The following ARID4A variants were observed in gnomAD, a reference collection of about 807,000 sequenced individuals.
ARID4A encodes AT-rich interactive domain-containing protein 4A.
ARID4A carries 39 observed loss-of-function variants against 148.6 expected under a neutral mutation model. The observed-to-expected ratio is 0.26, with a 90% confidence interval of 0.20 to 0.34. The LOEUF is 0.34. Among genes scored for constraint, ARID4A ranks in the 10% least tolerant of loss-of-function variants. The pLI, the probability that ARID4A is intolerant of heterozygous loss-of-function variation, is 1.00. For synonymous variants in ARID4A, 475 were observed against 481.2 expected (o/e 0.99, Z 0.17); for missense variants, 1,265 against 1,449.1 (o/e 0.87, Z 2.06).
At chr14:58,303,308 ATCC>A (rs1310779075) in intron 3 of ARID4A, among the ~76,000 whole-genome samples, 2 of 152,172 alleles carry the variant, frequency 1.3e-5, no homozygotes, top group Non-Finnish European at 2.9e-5. Flanking sequence ...AATATTCAGT[ATCC>A]TCCTCTTAGC....
At chr14:58,348,212 ACT>A (rs1319954681) in intron 15 of ARID4A, among the ~76,000 whole-genome samples, 1 of 151,026 alleles carries the variant, frequency 6.6e-6, no homozygotes, top group African/African-American at 2.4e-5. Flanking sequence ...TCTCTTTGGA[ACT>A]CTCAGTCCCT....
intron 8 of ARID4A, among the ~76,000 whole-genome samples, chr14:58,327,405 A>G (rs909801994): frequency 1.3e-5 from 2 of 152,190 alleles, no homozygotes; most frequent in African/African-American, 4.8e-5. Flanking sequence ...TTGTTAAGAT[A>G]CTATTTTCAG....
At chr14:58,351,020 T>G in intron 15 of ARID4A, 53 bp from the exon 16 acceptor site, 4 of 1,504,612 alleles carry the variant, frequency 2.7e-6, no homozygotes, top group Non-Finnish European at 3.5e-6. Context: ...TTTTTCCTGC[T>G]TTTTTCCCCT....
chr14:58,317,908 A>G lies in ARID4A; in HGVS notation c.275-634A>G, dbSNP rs185589129. Among the ~76,000 whole-genome samples, 1,120 of 151,994 alleles carry G rather than the reference A, an allele frequency of 7.4e-3. 4 individuals are homozygous for G. Among genetic ancestry groups the G allele is most frequent in the Non-Finnish European group, 0.012 (826 of 67,974 alleles). ...GAGCACTTTCGGAGGCTTAGGCGGG[A>G]GGATAATTTGAGGCCAGGAGTTTGA... On this transcript the variant is annotated intron_variant, in intron 5 of 23. Coordinates refer to ENST00000355431, the MANE Select transcript of ARID4A (RefSeq NM_002892.4).
rs2033449687 is a variant in ARID4A at position 58,330,283 on chromosome 14, T to G, written c.906+114T>G. ...TCTCTATTATTTGTTTCTGTCCGTT[T>G]CTAGCATTGCTTAATTTGGGTGTTG... On this transcript the variant is annotated intron_variant, in intron 11 of 23. Coordinates refer to ENST00000355431, the MANE Select transcript of ARID4A (RefSeq NM_002892.4). The G allele has an allele frequency of 6.4e-6, 9 of 1,413,424 alleles. No homozygotes were observed. In the South Asian group the frequency reaches 1.3e-4, roughly 20 times the overall value. 87.6% of individuals were successfully genotyped at this position (1,413,424 alleles called of 1,614,324 possible).
chr14:58,366,257 G>A (rs929513408), intron 22 of ARID4A, 27 bp downstream of exon 22: 2 of 1,505,776 alleles, frequency 1.3e-6, no homozygotes, highest in African/African-American at 2.8e-5. Flanking sequence ...AAACTTGATA[G>A]ATGAATACTG....
chr14:58,310,732 T>A (rs74488368), intron 5 of ARID4A, among the ~76,000 whole-genome samples: 4 of 151,112 alleles, frequency 2.6e-5, no homozygotes, highest in Non-Finnish European at 4.4e-5. Context: ...TTTTTTTTTT[T>A]AATGACCCCA....
chr14:58,345,754 A>G (rs2034333234), intron 12 of ARID4A, among the ~76,000 whole-genome samples: 1 of 100,432 alleles, frequency 1.0e-5, no homozygotes, highest in Non-Finnish European at 1.8e-5. Context: ...TTTTTGTGAC[A>G]GAGTCTTACT....
intron 17 of ARID4A, among the ~76,000 whole-genome samples, chr14:58,354,260 C>T (rs1375500840): frequency 1.3e-5 from 2 of 152,144 alleles, no homozygotes; most frequent in Admixed American, 6.5e-5. Context: ...AACTTCCAAC[C>T]GTGCAAGTGT....
At position 58,365,057 on chromosome 14, in the gene ARID4A, T is replaced by G. The variant is rs1001200604; in HGVS notation, c.2968T>G (p.Ser990Ala). The G allele has an allele frequency of 6.2e-7, 1 of 1,614,046 alleles. No homozygotes were observed. ...AAGCTCTGAGTCTAACTCTCTTGTT[T>G]CTATTCCACCTGCCCTACCTCCTGT... Reference protein sequence around the residue: ...VESSESNSLVSIPPALPPVVQ... With the variant: ...VESSESNSLVAIPPALPPVVQ... Residue 990 changes from serine (S) to alanine (A), a missense_variant, in exon 20 of 24, where the codon TCT becomes GCT. Around this residue, in one of 9 missense-constraint regions of ARID4A, gnomAD observed 666 missense variants for 730.9 expected, o/e 0.91. Coordinates refer to ENST00000355431, the MANE Select transcript of ARID4A (RefSeq NM_002892.4).
chr14:58,347,414 T>TA (rs2034426169), intron 14 of ARID4A, among the ~76,000 whole-genome samples: 1 of 152,214 alleles, frequency 6.6e-6, no homozygotes, highest in African/African-American at 2.4e-5. Context: ...TATCAAAACT[T>TA]ATGATAGTTA....
At chr14:58,351,870 G>A (rs1393754074) in intron 16 of ARID4A, among the ~76,000 whole-genome samples, 2 of 152,102 alleles carry the variant, frequency 1.3e-5, no homozygotes, top group Non-Finnish European at 2.9e-5. Flanking sequence ...TGTCCATCCT[G>A]TTTGCTGTTG....
At chr14:58,318,838 T>C in intron 7 of ARID4A, 33 bp downstream of exon 7, 8 of 1,528,890 alleles carry the variant, frequency 5.2e-6, no homozygotes, top group African/African-American at 2.8e-5. Flanking sequence ...TCATTTTAAT[T>C]ACAATTATTA....
At chr14:58,339,975 T>G (rs2034031431) in intron 11 of ARID4A, among the ~76,000 whole-genome samples, 5 of 152,012 alleles carry the variant, frequency 3.3e-5, no homozygotes, top group Admixed American at 3.3e-4. Context: ...TGCCCCATGA[T>G]CCAATCACCT....
rs1477968378 is a variant in ARID4A at position 58,351,080 on chromosome 14, G to A, written c.1412G>A (p.Arg471Lys). 1.3e-6 allele frequency: 2 copies of A among 1,593,276 alleles called. No homozygotes were observed. The highest frequency in any genetic ancestry group is 1.7e-6 in the Non-Finnish European group (2 of 1,175,288). The change falls in exon 16 of 24, where the codon AGG becomes AAG. Residue 471 changes from arginine to lysine, a missense_variant. Physicochemically the swap from Arg to Lys is conservative, Grantham distance 26 (BLOSUM62 2). Around this residue, in one of 9 missense-constraint regions of ARID4A, gnomAD observed 205 missense variants for 196.9 expected, o/e 1.04. Transcript: ENST00000355431. Reference protein sequence around the residue: ...EIELKSPRGRRRIARDVNSIK... With the variant: ...EIELKSPRGRKRIARDVNSIK... ...TTTTATCCCCTCTACTAGGGACGAAGGAGAATTGCTCGAGATGTAAATTCT... is the reference window on the plus strand; with the variant it reads ...TTTTATCCCCTCTACTAGGGACGAAAGAGAATTGCTCGAGATGTAAATTCT...
chr14:58,339,876 A>G (rs1006007150), intron 11 of ARID4A, among the ~76,000 whole-genome samples: 2 of 148,178 alleles, frequency 1.3e-5, no homozygotes, highest in South Asian at 2.2e-4. Context: ...GAGAGAGAGC[A>G]TGAGCACGCA....
chr14:58,326,921 T>A (rs1160314923), intron 8 of ARID4A, among the ~76,000 whole-genome samples: 2 of 152,194 alleles, frequency 1.3e-5, no homozygotes, highest in Non-Finnish European at 2.9e-5. Flanking sequence ...TATCTTTTTA[T>A]GTTTGCCCCT....
At chr14:58,339,239 A>T (rs1294323694) in intron 11 of ARID4A, among the ~76,000 whole-genome samples, 1 of 151,932 alleles carries the variant, frequency 6.6e-6, no homozygotes, top group Non-Finnish European at 1.5e-5. Context: ...GCCCTCCCAA[A>T]GTGCTAGGAT....
In ARID4A at chr14:58,364,900, T is replaced by C; in HGVS notation, c.2811T>C (p.Thr937=). 1 of 1,614,116 alleles carries C rather than the reference T, an allele frequency of 6.2e-7. No homozygotes were observed. The highest frequency in any genetic ancestry group is 8.5e-7 in the Non-Finnish European group (1 of 1,180,012). Residue 937 remains threonine (T), a synonymous_variant, in exon 20 of 24, where the codon ACT becomes ACC. Coordinates refer to ENST00000355431, the MANE Select transcript of ARID4A (RefSeq NM_002892.4). ...SERFDSPAEE[T]VNIPLKEDED... ...GATTTGATAGTCCAGCTGAAGAAACTGTAAATATTCCACTAAAAGAAGATG... is the reference window on the plus strand; with the variant it reads ...GATTTGATAGTCCAGCTGAAGAAACCGTAAATATTCCACTAAAAGAAGATG...
Sources: allele counts gnomAD v4.1 joint callset (sites outside exome capture counted in the v4.1 genomes callset), GRCh38; gene constraint gnomAD v4.1.1; regional missense constraint gnomAD v4.1.1; transcripts MANE v1.5; gene names NCBI Gene and HGNC (gene_info 2026-07-23, HGNC 2026-07-21).